The following DMRT1 variants were observed in gnomAD, a reference collection of about 807,000 sequenced individuals.
DMRT1 encodes doublesex and mab-3 related transcription factor 1.
A neutral mutation model predicts 32.3 loss-of-function variants in DMRT1; 7 were observed. The ratio of observed to expected loss-of-function variants is 0.22; its 90% CI spans 0.12 to 0.41. DMRT1 has a LOEUF of 0.41. Ranked by LOEUF, DMRT1 falls within the 10% of genes least tolerant of loss-of-function variation. The pLI, the probability that DMRT1 is intolerant of heterozygous loss-of-function variation, is 1.00. For synonymous variants in DMRT1, 278 were observed against 206.1 expected (o/e 1.35, Z -2.99); for missense variants, 625 against 500.5 (o/e 1.25, Z -2.37).
intron 2 of DMRT1, among the ~76,000 whole-genome samples, chr9:865,131 A>G (rs1564207227): frequency 6.6e-6 from 1 of 152,182 alleles, no homozygotes; most frequent in African/African-American, 2.4e-5. Flanking sequence ...TTCCTGCATG[A>G]CGTTTCCAGG....
At chr9:964,618 T>G (rs553704250) in intron 4 of DMRT1, among the ~76,000 whole-genome samples, 46 of 152,320 alleles carry the variant, frequency 3.0e-4, no homozygotes, top group African/African-American at 1.1e-3. Context: ...CTTAATTGTT[T>G]ATTGCCTGTG....
At chr9:850,592 T>C (rs1839101637) in intron 2 of DMRT1, among the ~76,000 whole-genome samples, 1 of 152,250 alleles carries the variant, frequency 6.6e-6, no homozygotes, top group African/African-American at 2.4e-5. Context: ...TACAGGTGTA[T>C]GTGTCTGTTT....
intron 4 of DMRT1, among the ~76,000 whole-genome samples, chr9:932,237 C>G (rs532964904): frequency 1.1e-3 from 166 of 152,300 alleles, no homozygotes; most frequent in Admixed American, 1.9e-3. Flanking sequence ...TGCCTTTTAA[C>G]AAATGCTCTG....
intron 4 of DMRT1, among the ~76,000 whole-genome samples, chr9:919,367 T>G (rs891036390): frequency 6.8e-6 from 1 of 146,394 alleles, no homozygotes; most frequent in Non-Finnish European, 1.5e-5. Context: ...TTCAGTGTCT[T>G]CCTCTGGGTT....
intron 2 of DMRT1, 77 bp downstream of exon 2, chr9:847,220 C>T: frequency 7.0e-7 from 1 of 1,435,796 alleles, no homozygotes; most frequent in Non-Finnish European, 9.6e-7. Flanking sequence ...AGAAGCAGGG[C>T]TCCCCTGAGC....
rs781752357 is a variant in DMRT1 at position 916,807 on chromosome 9, G to C, written c.867G>C (p.Arg289Ser). 6.2e-6 allele frequency: 10 copies of C among 1,614,062 alleles called. No individual in the cohort carries two copies. The East Asian group carries it at 2.2e-4, about 36-fold the overall frequency. Residue 289 changes from arginine to serine, a missense_variant, in exon 4 of 5, where the codon AGG (arginine) becomes AGC (serine). Arg to Ser is a moderately radical substitution (Grantham distance 110). Transcript: ENST00000382276. ...GCCATGCAATGAGCTCCCAGTACAGGATGCATTCTTACTACCCGCCTCCCT... is the reference window on the plus strand; with the variant it reads ...GCCATGCAATGAGCTCCCAGTACAGCATGCATTCTTACTACCCGCCTCCCT... The part of the protein sequence containing the change: ...ENRHAMSSQY[R>S]MHSYYPPPSY...
rs113142505 is a variant in DMRT1 at position 965,218 on chromosome 9, A to G, written c.968-2767A>G. The stretch of plus-strand genomic sequence containing the variant: ...TACCTAGAACTCTATGAGGGGCTAT[A>G]CTTAAACAGATACTATCCCTAACTT... On this transcript the variant is annotated intron_variant, in intron 4 of 4. Coordinates refer to ENST00000382276, the MANE Select transcript of DMRT1 (RefSeq NM_021951.3). The surrounding 1 kb of genome is among the most constrained non-coding windows in gnomAD (Gnocchi z 4.5). 0.02 allele frequency among the ~76,000 whole-genome samples: 3,090 copies of G among 152,328 alleles called. 102 individuals are homozygous for G. Among genetic ancestry groups the G allele is most frequent in the African/African-American group, 0.07 (2,897 of 41,558 alleles).
intron 2 of DMRT1, among the ~76,000 whole-genome samples, chr9:866,094 G>A (rs1266919151): frequency 7.2e-6 from 1 of 139,586 alleles, no homozygotes. Flanking sequence ...AACCCAAGAG[G>A]CAGCAGCTGC....
intron 1 of DMRT1, among the ~76,000 whole-genome samples, chr9:845,796 T>C (rs1267214751): frequency 6.6e-6 from 1 of 152,150 alleles, no homozygotes; most frequent in East Asian, 1.9e-4. Context: ...CTGCCCACCC[T>C]GTTCCATATT....
intron 2 of DMRT1, among the ~76,000 whole-genome samples, chr9:874,839 G>T (rs868699033): frequency 5.1e-5 from 6 of 118,148 alleles, no homozygotes; most frequent in Admixed American, 3.6e-4. Flanking sequence ...ATGGAGTCTC[G>T]CTCTGTCACC....
chr9:946,749 G>A (rs1156950106), intron 4 of DMRT1, among the ~76,000 whole-genome samples: 1 of 152,186 alleles, frequency 6.6e-6, no homozygotes, highest in Non-Finnish European at 1.5e-5. Flanking sequence ...GACATGATGT[G>A]GGGACAATTG....
intron 4 of DMRT1, among the ~76,000 whole-genome samples, chr9:967,122 C>T (rs1171754773): frequency 6.6e-6 from 1 of 152,152 alleles, no homozygotes; most frequent in African/African-American, 2.4e-5. Context: ...GAGAAATTAC[C>T]ACTGCAGCTT....
At chr9:891,182 A>C (rs1817134282) in intron 2 of DMRT1, among the ~76,000 whole-genome samples, 1 of 150,672 alleles carries the variant, frequency 6.6e-6, no homozygotes, top group Non-Finnish European at 1.5e-5. Context: ...TCTATACAAA[A>C]AAATTAAAAA....
intron 3 of DMRT1, among the ~76,000 whole-genome samples, chr9:915,446 G>A (rs1336357182): frequency 6.6e-6 from 1 of 152,118 alleles, no homozygotes; most frequent in Non-Finnish European, 1.5e-5. Flanking sequence ...TGGTCCTAAA[G>A]GCAGGGTCTG....
At chr9:948,977 C>T (rs1436229765) in intron 4 of DMRT1, among the ~76,000 whole-genome samples, 3 of 151,122 alleles carry the variant, frequency 2.0e-5, no homozygotes, top group Non-Finnish European at 4.4e-5. Flanking sequence ...CCTGTACTTC[C>T]AGGTACTTGG....
At chr9:847,277 T>C in intron 2 of DMRT1, 134 bp downstream of exon 2, 1 of 932,218 alleles carries the variant, frequency 1.1e-6, no homozygotes, top group East Asian at 2.7e-5. Context: ...GGATTCTCCC[T>C]GTGAAGGGCT....
chr9:859,577 A>T (rs754020903), intron 2 of DMRT1, among the ~76,000 whole-genome samples: 13 of 152,176 alleles, frequency 8.5e-5, no homozygotes, highest in Non-Finnish European at 1.8e-4. Context: ...ATCACAAAAA[A>T]ATCCAATTCG....
At chr9:913,121 G>C (rs1279400573) in intron 3 of DMRT1, among the ~76,000 whole-genome samples, 1 of 152,164 alleles carries the variant, frequency 6.6e-6, no homozygotes, top group Non-Finnish European at 1.5e-5. Flanking sequence ...AGGAAGGTTT[G>C]TGTAAACTTT....
intron 4 of DMRT1, among the ~76,000 whole-genome samples, chr9:957,707 C>A (rs1179667259): frequency 1.3e-5 from 2 of 152,216 alleles, no homozygotes; most frequent in African/African-American, 4.8e-5. Context: ...CTTCCTCCTT[C>A]TATTTTAGAA....
Sources: allele counts gnomAD v4.1 joint callset (sites outside exome capture counted in the v4.1 genomes callset), GRCh38; gene constraint gnomAD v4.1.1; non-coding constraint Gnocchi (gnomAD v3.1); transcripts MANE v1.5; gene names NCBI Gene and HGNC (gene_info 2026-07-23, HGNC 2026-07-21).